SAMD4B: variants seen among roughly 807,000 people sequenced by gnomAD.
SAMD4B encodes the protein protein Smaug homolog 2.
In SAMD4B, 5 loss-of-function variants were observed where a neutral mutation model predicts 74.5. The ratio of observed to expected loss-of-function variants is 0.07; its 90% CI spans 0.04 to 0.14. The LOEUF is 0.14. Among genes scored for constraint, SAMD4B ranks in the 10% least tolerant of loss-of-function variants. The pLI is 1.00. For missense variants in SAMD4B, 608 were observed against 921.8 expected (o/e 0.66, Z 4.41); for synonymous variants, 373 against 374.9 (o/e 1.00, Z 0.06).
rs1029818058 is a variant in SAMD4B at position 39,375,533 on chromosome 19, C to T, written c.668-117C>T. 9 of 1,348,452 alleles carry T rather than the reference C, an allele frequency of 6.7e-6. No individual in the cohort carries two copies. Among genetic ancestry groups the T allele is most frequent in the Admixed American group, 4.2e-5 (2 of 47,128 alleles). 83.5% of individuals were successfully genotyped at this position (1,348,452 alleles called of 1,614,324 possible). ...GGCAGTTACCCTTGGACCCCAGGTC[C>T]CTTCCTCTTGGCAGGTTATGGGGCC... On this transcript the variant is annotated intron_variant, in intron 4 of 13. Transcript: ENST00000610417. The surrounding 1 kb of genome is among the most constrained non-coding windows in gnomAD (Gnocchi z 4.1).
chr19:39,362,589 T>C (rs965868116), intron 3 of SAMD4B, among the ~76,000 whole-genome samples: 1 of 152,178 alleles, frequency 6.6e-6, no homozygotes, highest in Non-Finnish European at 1.5e-5. Flanking sequence ...TCCCTGTTTG[T>C]TCTCCAGGTG....
intron 3 of SAMD4B, among the ~76,000 whole-genome samples, chr19:39,358,795 T>G (rs2076483885): frequency 6.6e-6 from 1 of 152,122 alleles, no homozygotes. Context: ...GTCCTGTCAT[T>G]AGCCCCATTT....
rs760702766 is a variant in SAMD4B, at chr19:39,383,847, A to T, written c.*320A>T. 259 of 783,986 alleles carry T rather than the reference A, an allele frequency of 3.3e-4. No individual in the cohort carries two copies. The highest frequency in any genetic ancestry group is 1.0e-4 in the Non-Finnish European group (51 of 494,098). 48.6% of individuals were successfully genotyped at this position (783,986 alleles called of 1,614,324 possible). ...CCCATCCCACCCCTGCCTCCTCCAG[A>T]CCGCTGACCACCTGCCTCTCCCCAA... On this transcript the variant is annotated 3_prime_UTR_variant, in exon 14 of 14. Transcript: ENST00000610417. The surrounding 1 kb of genome is among the most constrained non-coding windows in gnomAD (Gnocchi z 4.1).
At chr19:39,377,870 A>G in intron 8 of SAMD4B, 46 bp downstream of exon 8, 1 of 1,516,878 alleles carries the variant, frequency 6.6e-7, no homozygotes, top group East Asian at 2.3e-5. Flanking sequence ...GCAGAAAGCC[A>G]AGTGAACCCA....
At chr19:39,367,226 C>T (rs1266619020) in intron 3 of SAMD4B, among the ~76,000 whole-genome samples, 2 of 152,254 alleles carry the variant, frequency 1.3e-5, no homozygotes, top group Non-Finnish European at 2.9e-5. Flanking sequence ...GGTCCTAGCT[C>T]TGTCTGGTTA....
intron 3 of SAMD4B, among the ~76,000 whole-genome samples, chr19:39,357,710 T>C (rs2076410680): frequency 2.0e-5 from 3 of 152,180 alleles, no homozygotes; most frequent in African/African-American, 7.2e-5. Context: ...AATCAGGGGC[T>C]ACTGCTGAAG....
intron 3 of SAMD4B, chr19:39,360,201 A>T (rs971804724): frequency 6.6e-6 from 1 of 151,752 alleles, no homozygotes; most frequent in Non-Finnish European, 1.5e-5. Flanking sequence ...AAAAAAAATA[A>T]AAAAATAAAA....
downstream of SAMD4B, chr19:39,388,653 T>C (rs1232350882): frequency 2.5e-6 from 4 of 1,614,120 alleles, no homozygotes; most frequent in Non-Finnish European, 3.4e-6. Context: ...CACAAACTGG[T>C]TCCCTTCCTC....
In SAMD4B at chr19:39,377,478, C is replaced by T; in HGVS notation, c.1105-7C>T. 4 of 1,554,080 alleles carry T rather than the reference C, an allele frequency of 2.6e-6. No homozygotes were observed. The highest frequency in any genetic ancestry group is 3.5e-6 in the Non-Finnish European group (4 of 1,144,468). The stretch of plus-strand genomic sequence containing the variant: ...CATGTGACCCCAGCCTGTGTCCTCC[C>T]ATCCAGGATGTGCTGGAAGGCGGGA... On this transcript the variant is annotated splice_region_variant and splice_polypyrimidine_tract_variant and intron_variant, in intron 7 of 13. Coordinates refer to ENST00000610417, the MANE Select transcript of SAMD4B (RefSeq NM_001384574.2).
At chr19:39,386,411 G>C, downstream of SAMD4B, 1 of 1,614,004 alleles carries the variant, frequency 6.2e-7, no homozygotes, top group Non-Finnish European at 8.5e-7. The surrounding 1 kb of genome is among the most constrained non-coding windows in gnomAD (Gnocchi z 6.1). Context: ...CATCTGGAAG[G>C]GAGTGGAGAG....
intron 4 of SAMD4B, among the ~76,000 whole-genome samples, chr19:39,373,430 T>C (rs907335191): frequency 6.6e-6 from 1 of 151,742 alleles, no homozygotes; most frequent in Non-Finnish European, 1.5e-5. Context: ...CCATTCTCCA[T>C]GGACCCACAG....
At chr19:39,353,170 T>A (rs773616891) in intron 1 of SAMD4B, among the ~76,000 whole-genome samples, 4 of 152,180 alleles carry the variant, frequency 2.6e-5, no homozygotes, top group Non-Finnish European at 4.4e-5. Context: ...GAAAACCGAT[T>A]TTTTTAGGCG....
At chr19:39,360,635 C>T (rs1282299626) in intron 3 of SAMD4B, among the ~76,000 whole-genome samples, 1 of 152,206 alleles carries the variant, frequency 6.6e-6, no homozygotes, top group African/African-American at 2.4e-5. Context: ...TCCTGTTTCA[C>T]TCCTACCCTC....
chr19:39,379,875 A>G lies in SAMD4B; in HGVS notation c.1531-91A>G, dbSNP rs2077850205. 6 of 1,116,212 alleles carry G rather than the reference A, an allele frequency of 5.4e-6. 1 individual carries two copies. In the Admixed American group the frequency reaches 1.0e-4, roughly 19 times the overall value. 69.1% of individuals were successfully genotyped at this position (1,116,212 alleles called of 1,614,324 possible). ...TTGAGCCACCACGCCCGGCCAGGCA[A>G]TAAATATTTGAACAAATGAATGGAA... On this transcript the variant is annotated intron_variant, in intron 9 of 13. Transcript: ENST00000610417.
Position 39,377,772 on chromosome 19 carries a change from TC to T in SAMD4B, c.1395del (p.Val466SerfsTer13). 6.2e-7 allele frequency: 1 copy of T among 1,613,204 alleles called. No individual in the cohort carries two copies. The highest frequency in any genetic ancestry group is 8.5e-7 in the Non-Finnish European group (1 of 1,179,396). ...CTGATGGCAGTGAGCCTGCCCCGGC[TC>T]CCGTCGCCGACGGAGACATCCCCAG... ...PTDGSEPAPAPVADGDIPSQF... is the reference protein window; with the variant it reads ...PTDGSEPAPAXVADGDIPSQF... On this transcript the variant is annotated frameshift_variant, in exon 8 of 14. Transcript: ENST00000610417. LOFTEE classifies it high-confidence loss of function.
downstream of SAMD4B, chr19:39,390,113 G>C: frequency 6.2e-7 from 1 of 1,614,098 alleles, no homozygotes; most frequent in Non-Finnish European, 8.5e-7. Flanking sequence ...GGTCGAAGGG[G>C]ATATCAGGGA....
At chr19:39,382,666 C>T (rs1025537295) in intron 12 of SAMD4B, among the ~76,000 whole-genome samples, 4 of 152,046 alleles carry the variant, frequency 2.6e-5, no homozygotes, top group Admixed American at 2.0e-4. Context: ...CCCAGATGCC[C>T]GAATAGGAGG....
chr19:39,372,646 A>G (rs1202485898), intron 4 of SAMD4B, among the ~76,000 whole-genome samples: 2 of 152,106 alleles, frequency 1.3e-5, no homozygotes, highest in Admixed American at 1.3e-4. Context: ...TGTCATTCTC[A>G]TGCTGTGGCC....
chr19:39,354,445 TC>T (rs1568346486), intron 2 of SAMD4B, among the ~76,000 whole-genome samples: 1 of 152,082 alleles, frequency 6.6e-6, no homozygotes. Flanking sequence ...TCTATCTTCT[TC>T]CCCCCTAGGG....
Sources: gnomAD v4.1 joint callset for allele counts (sites outside exome capture counted in the v4.1 genomes callset) on GRCh38, gnomAD v4.1.1 for gene constraint, Gnocchi (gnomAD v3.1) non-coding constraint, MANE v1.5 for transcripts, NCBI Gene and HGNC (gene_info 2026-07-23, HGNC 2026-07-21) for gene names.